The following KLHL1 variants were observed in gnomAD, a reference collection of about 807,000 sequenced individuals.
KLHL1 encodes kelch like family member 1, also known as kelch-like protein 1.
Under a neutral mutation model 77.7 loss-of-function variants are expected in KLHL1, and 47 were observed. The observed-to-expected ratio is 0.60, with a 90% CI of 0.48 to 0.77. The LOEUF is 0.77. KLHL1 is among the 30% of genes least tolerant of loss of function. The pLI is 0.00. For synonymous variants in KLHL1, 360 were observed against 325.2 expected (o/e 1.11, Z -1.15); for missense variants, 925 against 910.8 (o/e 1.02, Z -0.20).
intron 1 of KLHL1, among the ~76,000 whole-genome samples, chr13:70,046,476 GTTTGT>G (rs2137385870): frequency 1.3e-5 from 2 of 152,004 alleles, no homozygotes; most frequent in South Asian, 4.2e-4. Context: ...GTTTTTGTTT[GTTTGT>G]TTTGTTTCAT....
At chr13:69,861,556 G>GTA (rs112718356) in intron 5 of KLHL1, among the ~76,000 whole-genome samples, 6 of 151,754 alleles carry the variant, frequency 4.0e-5, no homozygotes, top group South Asian at 2.1e-4. Flanking sequence ...ATATGCATAT[G>GTA]TATATATATA....
At chr13:69,844,115 GATC>G (rs1879367452) in intron 5 of KLHL1, among the ~76,000 whole-genome samples, 1 of 151,358 alleles carries the variant, frequency 6.6e-6, no homozygotes, top group East Asian at 1.9e-4. Flanking sequence ...AGTATTGAAA[GATC>G]ATCAACTCTA....
intron 1 of KLHL1, among the ~76,000 whole-genome samples, chr13:70,102,966 TACAGAC>T (rs1887959463): frequency 6.6e-6 from 1 of 152,140 alleles, no homozygotes; most frequent in Non-Finnish European, 1.5e-5. Flanking sequence ...GAAATTCACT[TACAGAC>T]AAACAAAATC....
intron 1 of KLHL1, among the ~76,000 whole-genome samples, chr13:70,047,102 G>C (rs1455480510): frequency 6.6e-6 from 1 of 151,968 alleles, no homozygotes; most frequent in Non-Finnish European, 1.5e-5. Context: ...GAACACAATA[G>C]CATTAATGTG....
intron 6 of KLHL1, among the ~76,000 whole-genome samples, chr13:69,809,019 A>AT (rs1566277888): frequency 6.6e-6 from 1 of 151,908 alleles, no homozygotes; most frequent in African/African-American, 2.4e-5. Flanking sequence ...AATAAAGTAA[A>AT]AGAATTTCAA....
chr13:69,861,829 G>C (rs1880178160), intron 5 of KLHL1, among the ~76,000 whole-genome samples: 1 of 149,240 alleles, frequency 6.7e-6, no homozygotes, highest in Non-Finnish European at 1.5e-5. Flanking sequence ...GCCAGGCTTG[G>C]TGGCGAATGC....
intron 4 of KLHL1, among the ~76,000 whole-genome samples, chr13:69,914,592 T>C (rs1882356414): frequency 6.6e-6 from 1 of 152,206 alleles, no homozygotes; most frequent in African/African-American, 2.4e-5. Context: ...ACTAAAAATG[T>C]TATTTTGCCA....
rs71196263 is a variant in KLHL1 at position 69,764,929 on chromosome 13, C to CT, written c.1640-24374dup. ...TCTCATGCTTTCATGTATATCTTTGCTTTTTTTTTTTTTTTTTTTTTTTTT... is the reference window on the plus strand; with the variant it reads ...TCTCATGCTTTCATGTATATCTTTGCTTTTTTTTTTTTTTTTTTTTTTTTTT... On this transcript the variant is annotated intron_variant, in intron 7 of 10. Coordinates refer to ENST00000377844, the MANE Select transcript of KLHL1 (RefSeq NM_020866.3). 3.5e-4 allele frequency among the ~76,000 whole-genome samples: 14 copies of CT among 39,724 alleles called. 6 individuals are homozygous for CT. The highest frequency in any genetic ancestry group is 1.5e-3 in the South Asian group (1 of 656). 26.1% of individuals were successfully genotyped at this position (39,724 alleles called of 152,430 possible). A position where few individuals can be genotyped will look rare whatever the true frequency, so the allele number is the denominator to read the frequency against.
intron 1 of KLHL1, among the ~76,000 whole-genome samples, chr13:70,062,584 G>A (rs562353580): frequency 5.9e-5 from 9 of 152,086 alleles, no homozygotes; most frequent in Admixed American, 2.0e-4. Context: ...AGAGCTTAAA[G>A]TATAATAAAA....
At chr13:69,736,848 G>A (rs1873785658) in intron 8 of KLHL1, among the ~76,000 whole-genome samples, 1 of 152,120 alleles carries the variant, frequency 6.6e-6, no homozygotes, top group African/African-American at 2.4e-5. Flanking sequence ...GTAAGTGGGA[G>A]ATAAGCTGTG....
In KLHL1 at chr13:69,787,949, A is replaced by G. The variant is rs1206135975; in HGVS notation, c.1639+8789T>C. 3.3e-5 allele frequency among the ~76,000 whole-genome samples: 5 copies of G among 152,232 alleles called. No individual in the cohort carries two copies. In the East Asian group the frequency reaches 9.6e-4, roughly 29 times the overall value. ...CATCAGAGAAATGCAAATCAAAACC[A>G]CAATGAGATACCATCTCACACCAGT... On this transcript the variant is annotated intron_variant, in intron 7 of 10. Coordinates refer to ENST00000377844, the MANE Select transcript of KLHL1 (RefSeq NM_020866.3).
At chr13:70,049,183 A>T (rs746061540) in intron 1 of KLHL1, among the ~76,000 whole-genome samples, 11 of 152,200 alleles carry the variant, frequency 7.2e-5, no homozygotes, top group Non-Finnish European at 1.6e-4. Flanking sequence ...CATTTGATAG[A>T]TATGAAAAAT....
chr13:69,834,257 T>C (rs899444600), intron 6 of KLHL1, among the ~76,000 whole-genome samples: 1 of 151,886 alleles, frequency 6.6e-6, no homozygotes, highest in Admixed American at 6.6e-5. Context: ...AATAAGTACA[T>C]AAATTGGGGG....
At chr13:69,759,312 C>T (rs1239521506) in intron 7 of KLHL1, among the ~76,000 whole-genome samples, 2 of 152,108 alleles carry the variant, frequency 1.3e-5, no homozygotes, top group African/African-American at 2.4e-5. Flanking sequence ...ACAGCATTAG[C>T]TCATGAACAA....
rs565706417 is a variant in KLHL1, at chr13:69,743,322, T to C, written c.1640-2766A>G. 3.9e-5 allele frequency among the ~76,000 whole-genome samples: 6 copies of C among 152,270 alleles called. No individual in the cohort carries two copies. In the South Asian group the frequency reaches 1.2e-3, roughly 32 times the overall value. On this transcript the variant is annotated intron_variant, in intron 7 of 10. Coordinates refer to ENST00000377844, the MANE Select transcript of KLHL1 (RefSeq NM_020866.3). ...GTCAGGTTAGGTGGCGGTAGGGAGATGATTAGAAGAAAATTTCAGAAATTC... is the reference window on the plus strand; with the variant it reads ...GTCAGGTTAGGTGGCGGTAGGGAGACGATTAGAAGAAAATTTCAGAAATTC...
chr13:69,971,566 T>C (rs543033252), intron 2 of KLHL1, among the ~76,000 whole-genome samples: 25 of 152,178 alleles, frequency 1.6e-4, no homozygotes, highest in Non-Finnish European at 2.8e-4. Flanking sequence ...GTAGTATCTC[T>C]ACTTAAAATA....
intron 2 of KLHL1, among the ~76,000 whole-genome samples, chr13:69,966,012 G>C (rs767022296): frequency 9.9e-5 from 15 of 152,174 alleles, no homozygotes; most frequent in Middle Eastern, 3.4e-3. Flanking sequence ...GCAGCAAGTG[G>C]GTTGGTGCAA....
At chr13:69,711,841 T>A (rs1018785249) in intron 9 of KLHL1, among the ~76,000 whole-genome samples, 1 of 152,152 alleles carries the variant, frequency 6.6e-6, no homozygotes, top group Non-Finnish European at 1.5e-5. Flanking sequence ...GTAATGAGCA[T>A]GTCAGTTGTT....
intron 1 of KLHL1, among the ~76,000 whole-genome samples, chr13:70,022,304 T>TGTGC (rs71116978): frequency 2.2e-5 from 2 of 91,516 alleles, no homozygotes. Flanking sequence ...TGTGTGTGTG[T>TGTGC]ATGTGTTTGG....
Sources: gnomAD v4.1 joint callset for allele counts (sites outside exome capture counted in the v4.1 genomes callset) on GRCh38, gnomAD v4.1.1 for gene constraint, MANE v1.5 for transcripts, NCBI Gene and HGNC (gene_info 2026-07-23, HGNC 2026-07-21) for gene names.